Variants in RAPGEF5 observed in about 807,000 individuals in gnomAD.
RAPGEF5 encodes the protein Rap guanine nucleotide exchange factor 5.
Under a neutral mutation model 125.2 loss-of-function variants are expected in RAPGEF5, and 65 were observed. The ratio of observed to expected loss-of-function variants is 0.52; its 90% CI spans 0.43 to 0.64. The LOEUF (loss-of-function observed/expected upper bound fraction) is 0.64. Among genes scored for constraint, RAPGEF5 ranks in the 30% least tolerant of loss-of-function variants. RAPGEF5 has a pLI of 0.00. For synonymous variants in RAPGEF5, 391 were observed against 385.9 expected, an observed-to-expected ratio of 1.01 and a Z score of -0.16; for missense variants, 958 against 1,048.1, an observed-to-expected ratio of 0.91 and a Z score of 1.19.
At chr7:22,351,358 T>C (rs1784325595) in intron 1 of RAPGEF5, among the ~76,000 whole-genome samples, 1 of 152,216 alleles carries the variant, frequency 6.6e-6, no homozygotes, top group African/African-American at 2.4e-5. Context: ...TTTATTTACC[T>C]CTCTCAGAGT....
At chr7:22,159,120 T>C (rs756951571) in intron 14 of RAPGEF5, among the ~76,000 whole-genome samples, 1 of 152,196 alleles carries the variant, frequency 6.6e-6, no homozygotes, top group Non-Finnish European at 1.5e-5. Flanking sequence ...AATTTCCATA[T>C]GGGGAATTAT....
intron 9 of RAPGEF5, among the ~76,000 whole-genome samples, chr7:22,195,823 T>C (rs149517515): frequency 2.1e-4 from 32 of 152,362 alleles, no homozygotes; most frequent in African/African-American, 7.2e-4. Context: ...TTCTGTTCTC[T>C]GAAAGGACAA....
rs542469994 is a variant in RAPGEF5 at position 22,190,416 on chromosome 7, G to A, written c.1204+2951C>T. Among the ~76,000 whole-genome samples, 3 of 152,286 alleles carry A rather than the reference G, an allele frequency of 2.0e-5. No homozygotes were observed. In the East Asian group the frequency reaches 5.8e-4, roughly 29 times the overall value. On this transcript the variant is annotated intron_variant, in intron 11 of 25. Coordinates refer to ENST00000665637, the MANE Select transcript of RAPGEF5 (RefSeq NM_012294.5). ...AATAGTATACATAGTAGGTGTGTGCGAGTCAACTCATTTAAGAAAATCATT... is the reference window on the plus strand; with the variant it reads ...AATAGTATACATAGTAGGTGTGTGCAAGTCAACTCATTTAAGAAAATCATT...
intron 5 of RAPGEF5, among the ~76,000 whole-genome samples, chr7:22,293,041 T>C (rs1451751999): frequency 2.6e-5 from 4 of 152,214 alleles, no homozygotes; most frequent in East Asian, 1.9e-4. Context: ...GCACAAACCA[T>C]GCCTTAGCAA....
At chr7:22,212,574 CTCT>C (rs10581363) in intron 9 of RAPGEF5, among the ~76,000 whole-genome samples, 77,016 of 151,770 alleles carry the variant, frequency 0.51, 19,783 homozygotes, top group East Asian at 0.6. Context: ...TTCTTGATAT[CTCT>C]TCTTTTTATT....
chr7:22,170,055 A>G (rs1317570180), intron 11 of RAPGEF5, among the ~76,000 whole-genome samples: 2 of 151,138 alleles, frequency 1.3e-5, no homozygotes, highest in Non-Finnish European at 2.9e-5. Context: ...ACTCAATATT[A>G]GACACAAGCA....
intron 5 of RAPGEF5, among the ~76,000 whole-genome samples, chr7:22,305,308 A>T (rs1279235092): frequency 1.3e-5 from 2 of 152,346 alleles, no homozygotes; most frequent in South Asian, 4.1e-4. Flanking sequence ...CAACCTTTCT[A>T]TTAGCACAGT....
intron 11 of RAPGEF5, among the ~76,000 whole-genome samples, chr7:22,176,293 C>A (rs1784506656): frequency 1.3e-5 from 2 of 152,198 alleles, no homozygotes; most frequent in African/African-American, 4.8e-5. Context: ...GTAGGAGCTA[C>A]AATTCAAGAT....
intron 4 of RAPGEF5, among the ~76,000 whole-genome samples, chr7:22,309,080 T>C (rs1489887152): frequency 6.6e-6 from 1 of 152,212 alleles, no homozygotes; most frequent in East Asian, 1.9e-4. Context: ...CAAATGTCAA[T>C]ACTACCAAGG....
chr7:22,138,061 A>G (rs1036617536), intron 21 of RAPGEF5, among the ~76,000 whole-genome samples: 3 of 151,750 alleles, frequency 2.0e-5, no homozygotes, highest in African/African-American at 7.3e-5. Context: ...ACACCCCAAC[A>G]AACAGAGGAC....
chr7:22,169,534 C>T (rs371753298), intron 11 of RAPGEF5, among the ~76,000 whole-genome samples: 9 of 151,886 alleles, frequency 5.9e-5, no homozygotes, highest in African/African-American at 1.9e-4. Context: ...GATGGAAATC[C>T]TCAACCTTTC....
chr7:22,349,092 G>GAA (rs56081120), intron 1 of RAPGEF5, among the ~76,000 whole-genome samples: 2 of 120,534 alleles, frequency 1.7e-5, no homozygotes, highest in Non-Finnish European at 3.5e-5. Context: ...CTGCCTAAAA[G>GAA]AAAAAAAAAA....
chr7:22,178,154 T>C (rs889019013), intron 11 of RAPGEF5, among the ~76,000 whole-genome samples: 2 of 152,274 alleles, frequency 1.3e-5, no homozygotes, highest in African/African-American at 2.4e-5. Context: ...AAATTCCTAA[T>C]GTTTTTAAGA....
intron 3 of RAPGEF5, among the ~76,000 whole-genome samples, chr7:22,311,754 A>C (rs1783476299): frequency 6.6e-6 from 1 of 152,258 alleles, no homozygotes; most frequent in Admixed American, 6.5e-5. Context: ...AGATGGCAAT[A>C]AAACAGGCAA....
At chr7:22,140,366 C>CT (rs2128103548) in intron 20 of RAPGEF5, among the ~76,000 whole-genome samples, 1 of 152,244 alleles carries the variant, frequency 6.6e-6, no homozygotes, top group East Asian at 1.9e-4. Context: ...AAGATTCCTC[C>CT]TTTTTTACCT....
chr7:22,292,267 A>G (rs1027178334), intron 5 of RAPGEF5, among the ~76,000 whole-genome samples: 3 of 152,240 alleles, frequency 2.0e-5, no homozygotes, highest in East Asian at 1.9e-4. Flanking sequence ...TTAAGAAGGG[A>G]AAAGCCAGTT....
intron 9 of RAPGEF5, among the ~76,000 whole-genome samples, chr7:22,197,900 G>GGC (rs113243953): frequency 6.2e-5 from 9 of 145,042 alleles, no homozygotes; most frequent in South Asian, 2.2e-4. Flanking sequence ...TTTTGGGGGG[G>GGC]GGTGGTAGGA....
At chr7:22,287,523 G>A (rs560965174) in intron 6 of RAPGEF5, among the ~76,000 whole-genome samples, 1 of 152,252 alleles carries the variant, frequency 6.6e-6, no homozygotes, top group South Asian at 2.1e-4. Context: ...GAATATACAA[G>A]AGGGCACGGT....
intron 18 of RAPGEF5, among the ~76,000 whole-genome samples, chr7:22,147,525 A>G (rs1382894004): frequency 1.3e-5 from 2 of 152,234 alleles, no homozygotes; most frequent in African/African-American, 2.4e-5. Context: ...CATAGAAAGT[A>G]AAAAAGTTTT....
Sources: gnomAD v4.1 joint callset for allele counts (sites outside exome capture counted in the v4.1 genomes callset) on GRCh38, gnomAD v4.1.1 for gene constraint, MANE v1.5 for transcripts, NCBI Gene and HGNC (gene_info 2026-07-23, HGNC 2026-07-21) for gene names.